SCOC: variants seen among roughly 807,000 people sequenced by gnomAD.
SCOC encodes short coiled-coil protein.
In SCOC, 7 loss-of-function variants were observed where a neutral mutation model predicts 9.9. The observed-to-expected ratio is 0.71, with a 90% confidence interval of 0.40 to 1.33. The LOEUF (loss-of-function observed/expected upper bound fraction) is 1.33. SCOC is among the 40% of genes most tolerant of loss of function. The pLI, the probability that SCOC is intolerant of heterozygous loss-of-function variation, is 0.01. For missense variants in SCOC, 66 were observed against 89.7 expected, an observed-to-expected ratio of 0.74 and a Z score of 1.07; for synonymous variants, 19 against 28.2, an observed-to-expected ratio of 0.67 and a Z score of 1.03.
At chr4:140,308,596 G>A (rs1475924376) in intron 1 of SCOC, among the ~76,000 whole-genome samples, 4 of 152,202 alleles carry the variant, frequency 2.6e-5, no homozygotes, top group African/African-American at 7.2e-5. Flanking sequence ...GTCGATTCTT[G>A]GAGGTTGAGA....
At chr4:140,374,022 AGCCGCTTT>A (rs1304054750) in intron 1 of SCOC, 5 of 567,276 alleles carry the variant, frequency 8.8e-6, no homozygotes, top group Non-Finnish European at 1.7e-5. Flanking sequence ...CTGGGTCGGG[AGCCGCTTT>A]GCAGCTCTCG....
chr4:140,339,080 T>C (rs1477020546), upstream of SCOC, among the ~76,000 whole-genome samples: 1 of 152,192 alleles, frequency 6.6e-6, no homozygotes, highest in Non-Finnish European at 1.5e-5. Flanking sequence ...CAAAACAGCA[T>C]GGTACTGGTA....
rs1246253607 is a variant in SCOC at position 140,382,704 on chromosome 4, A to G, written c.*1600A>G. The G allele has an allele frequency of 6.5e-6, 1 of 152,684 alleles. No individual in the cohort carries two copies. The highest frequency in any genetic ancestry group is 2.4e-5 in the African/African-American group (1 of 41,462). 9.5% of individuals were successfully genotyped at this position (152,684 alleles called of 1,614,324 possible). On this transcript the variant is annotated 3_prime_UTR_variant, in exon 4 of 4. Transcript: ENST00000608372. ...GAATAATATTTTTATTAATACAACT[A>G]TAACTGGTTATCAATATAAATATCA... is the stretch of plus-strand genomic sequence containing the variant.
chr4:140,374,172 C>T (rs1298997191), intron 1 of SCOC: 1 of 458,944 alleles, frequency 2.2e-6, no homozygotes, highest in African/African-American at 2.0e-5. Flanking sequence ...GCCTAGAGAG[C>T]CGTAAAATAA....
At chr4:140,307,265 A>T (rs1327190972) in intron 1 of SCOC, among the ~76,000 whole-genome samples, 1 of 152,192 alleles carries the variant, frequency 6.6e-6, no homozygotes, top group Non-Finnish European at 1.5e-5. Context: ...GTAACTCTGC[A>T]ATTAACACTA....
chr4:140,380,716 C>G (rs180754507), intron 3 of SCOC, among the ~76,000 whole-genome samples: 1 of 152,138 alleles, frequency 6.6e-6, no homozygotes, highest in East Asian at 1.9e-4. Flanking sequence ...AAAACAAAGT[C>G]TTTTTAAAAA....
chr4:140,301,251 G>A (rs774896926), intron 1 of SCOC, among the ~76,000 whole-genome samples: 1 of 152,136 alleles, frequency 6.6e-6, no homozygotes, highest in Admixed American at 6.6e-5. Context: ...CTTCTAGTAA[G>A]TTCTAAACCA....
intron 2 of SCOC, chr4:140,366,714 G>A: frequency 6.3e-7 from 1 of 1,585,606 alleles, no homozygotes; most frequent in Non-Finnish European, 8.7e-7. Context: ...TGAAAGGCAT[G>A]GTCTGTCTCC....
chr4:140,273,266 G>C (rs1443333069), intron 1 of SCOC, among the ~76,000 whole-genome samples: 2 of 152,218 alleles, frequency 1.3e-5, no homozygotes, highest in Non-Finnish European at 2.9e-5. Context: ...CTGAAGGGCT[G>C]TGTAATCAGG....
intron 1 of SCOC, 119 bp downstream of exon 1, chr4:140,373,836 C>G: frequency 2.7e-6 from 3 of 1,108,886 alleles, no homozygotes; most frequent in Non-Finnish European, 3.9e-6. Flanking sequence ...ACCGGGGGCC[C>G]GGGAGGAGCG....
At chr4:140,364,965 G>A (rs1252318628) in intron 2 of SCOC, among the ~76,000 whole-genome samples, 1 of 152,130 alleles carries the variant, frequency 6.6e-6, no homozygotes, top group Non-Finnish European at 1.5e-5. Flanking sequence ...CAATGCCATG[G>A]AAGAGAATTC....
At chr4:140,340,971 T>C (rs982692535), upstream of SCOC, among the ~76,000 whole-genome samples, 8 of 151,630 alleles carry the variant, frequency 5.3e-5, no homozygotes, top group Admixed American at 2.0e-4. Flanking sequence ...TTTTGTATTT[T>C]TTTTTTAGTA....
At chr4:140,268,808 C>T (rs1371722971) in intron 1 of SCOC, among the ~76,000 whole-genome samples, 1 of 152,176 alleles carries the variant, frequency 6.6e-6, no homozygotes, top group Non-Finnish European at 1.5e-5. Context: ...AGGAGCACAC[C>T]TGTATCCCAG....
At chr4:140,355,203 T>C (rs1239118854) in intron 2 of SCOC, among the ~76,000 whole-genome samples, 4 of 26,010 alleles carry the variant, frequency 1.5e-4, no homozygotes, top group African/African-American at 7.3e-4. Flanking sequence ...AGCCTATACA[T>C]TATATTTTTA....
intron 1 of SCOC, among the ~76,000 whole-genome samples, chr4:140,263,547 G>A (rs1205627204): frequency 6.6e-6 from 1 of 152,130 alleles, no homozygotes; most frequent in Non-Finnish European, 1.5e-5. Context: ...AGTGAAAGCA[G>A]GTTATCATCA....
intron 1 of SCOC, among the ~76,000 whole-genome samples, chr4:140,300,916 T>C (rs1731793364): frequency 6.6e-6 from 1 of 152,222 alleles, no homozygotes; most frequent in Non-Finnish European, 1.5e-5. Context: ...ACCTCCTCAA[T>C]GGCAGTGACA....
intron 2 of SCOC, among the ~76,000 whole-genome samples, chr4:140,355,209 TTTTATATA>T (rs1315570503): frequency 2.0e-4 from 2 of 10,192 alleles, no homozygotes; most frequent in African/African-American, 4.1e-4. Flanking sequence ...TACATTATAT[TTTTATATA>T]TATATATATA....
intron 1 of SCOC, among the ~76,000 whole-genome samples, chr4:140,277,004 ATTT>A (rs1560678516): frequency 6.6e-6 from 1 of 152,170 alleles, no homozygotes; most frequent in Non-Finnish European, 1.5e-5. Flanking sequence ...CTTAAACTGA[ATTT>A]CTGTGTATTT....
intron 1 of SCOC, among the ~76,000 whole-genome samples, chr4:140,282,342 G>C (rs552490776): frequency 2.0e-5 from 3 of 152,292 alleles, no homozygotes; most frequent in African/African-American, 7.2e-5. Flanking sequence ...ATGAACCACA[G>C]TAATCATGAA....
Sources: gnomAD v4.1 joint callset for allele counts (sites outside exome capture counted in the v4.1 genomes callset) on GRCh38, gnomAD v4.1.1 for gene constraint, MANE v1.5 for transcripts, NCBI Gene and HGNC (gene_info 2026-07-23, HGNC 2026-07-21) for gene names.